WAC: variants seen among roughly 807,000 people sequenced by gnomAD.
The protein encoded by WAC is WW domain containing adaptor with coiled-coil.
In WAC, 11 loss-of-function variants were observed where a neutral mutation model predicts 79.6. That is an observed-to-expected ratio of 0.14 (90% CI 0.09 to 0.23). The LOEUF is 0.23. WAC is among the 10% of genes least tolerant of loss of function. WAC has a pLI of 1.00. For missense variants in WAC, 728 were observed against 773.5 expected (o/e 0.94, Z 0.70); for synonymous variants, 304 against 276.9 (o/e 1.10, Z -0.97).
intron 6 of WAC, among the ~76,000 whole-genome samples, 168 bp from the exon 7 acceptor site, chr10:28,595,565 C>G (rs572102882): frequency 1.4e-4 from 21 of 152,110 alleles, no homozygotes; most frequent in African/African-American, 4.6e-4. Flanking sequence ...TATTTACATG[C>G]TAGTGGTAAA....
At chr10:28,534,391 T>C (rs1589112756) in intron 2 of WAC, 1 of 245,876 alleles carries the variant, frequency 4.1e-6, no homozygotes, top group African/African-American at 2.2e-5. Context: ...TTGGGGGAAC[T>C]GAAAAGTTAA....
In WAC at chr10:28,617,690, G is replaced by A; in HGVS notation, c.1780G>A (p.Gly594Arg). ...SRLREEAHNM[G>R]TIHMSEICTE... ...ATTACGCGAAGAAGCGCATAACATG[G>A]GAACTATTCACATGTCCGAAATTTG... The change falls in exon 13 of 14, where the codon GGA (glycine) becomes AGA (arginine). Residue 594 changes from glycine to arginine, a missense_variant. Transcript: ENST00000354911. 6.3e-7 allele frequency: 1 copy of A among 1,591,724 alleles called. No individual in the cohort carries two copies. The highest frequency in any genetic ancestry group is 8.5e-7 in the Non-Finnish European group (1 of 1,173,292).
At chr10:28,595,226 A>AGAGGCAACT (rs1169697001) in intron 6 of WAC, among the ~76,000 whole-genome samples, 1 of 152,218 alleles carries the variant, frequency 6.6e-6, no homozygotes, top group African/African-American at 2.4e-5. Context: ...AAACTGCTTT[A>AGAGGCAACT]GAGGCAACTA....
chr10:28,592,202 A>G (rs1168110420), intron 6 of WAC, among the ~76,000 whole-genome samples: 1 of 152,190 alleles, frequency 6.6e-6, no homozygotes, highest in African/African-American at 2.4e-5. Flanking sequence ...ATTTCTTTTT[A>G]TATCTTAATA....
chr10:28,592,858 T>A (rs1840167302), intron 6 of WAC, among the ~76,000 whole-genome samples: 1 of 152,236 alleles, frequency 6.6e-6, no homozygotes, highest in African/African-American at 2.4e-5. Context: ...TGCTGTTTTT[T>A]ACCTGTTCTT....
At chr10:28,564,861 G>C (rs1838509330) in intron 3 of WAC, among the ~76,000 whole-genome samples, 1 of 152,170 alleles carries the variant, frequency 6.6e-6, no homozygotes, top group South Asian at 2.1e-4. Context: ...TGCAGTGTGT[G>C]TGTCTGTATT....
At chr10:28,575,818 CGT>C (rs1339507394) in intron 3 of WAC, among the ~76,000 whole-genome samples, 1 of 152,194 alleles carries the variant, frequency 6.6e-6, no homozygotes, top group Non-Finnish European at 1.5e-5. Context: ...TTCTTTTGCA[CGT>C]GCCGCCTCCC....
At chr10:28,616,975 C>T (rs371127545) in intron 12 of WAC, among the ~76,000 whole-genome samples, 28 of 152,198 alleles carry the variant, frequency 1.8e-4, no homozygotes, top group African/African-American at 4.6e-4. Flanking sequence ...TACAGCTACT[C>T]GGGAGCCTGA....
intron 3 of WAC, among the ~76,000 whole-genome samples, chr10:28,545,804 GA>G (rs1347544115): frequency 6.6e-5 from 10 of 152,228 alleles, no homozygotes; most frequent in African/African-American, 2.2e-4. Flanking sequence ...ACAGGCCAGT[GA>G]GATACATTGG....
intron 3 of WAC, among the ~76,000 whole-genome samples, chr10:28,544,980 G>A (rs1363000251): frequency 6.8e-6 from 1 of 147,518 alleles, no homozygotes; most frequent in African/African-American, 2.5e-5. Flanking sequence ...CAGGAGAATC[G>A]CTTAAACCCA....
chr10:28,583,858 A>G (rs1187096876), intron 4 of WAC, among the ~76,000 whole-genome samples: 1 of 152,174 alleles, frequency 6.6e-6, no homozygotes, highest in Non-Finnish European at 1.5e-5. Flanking sequence ...CATAGTGTAT[A>G]AACTCCTTAT....
At position 28,549,201 on chromosome 10, in the gene WAC, G is replaced by C. The variant is rs577044238; in HGVS notation, c.274+13444G>C. Among the ~76,000 whole-genome samples, 53 of 152,234 alleles carry C rather than the reference G, an allele frequency of 3.5e-4. No homozygotes were observed. In the East Asian group the frequency reaches 6.8e-3, roughly 19 times the overall value. ...GGTGTGAGCCACCACATCCAGACAA[G>C]TTTTTGATTTTTTATGGTGTTGGCT... On this transcript the variant is annotated intron_variant, in intron 3 of 13. Transcript: ENST00000354911.
At chr10:28,552,790 TGTC>T (rs1396436239) in intron 3 of WAC, among the ~76,000 whole-genome samples, 2 of 151,432 alleles carry the variant, frequency 1.3e-5, no homozygotes, top group Admixed American at 6.6e-5. Context: ...ATCTGGATGT[TGTC>T]GTTTTTATTT....
At chr10:28,611,241 C>T in intron 9 of WAC, 1 of 1,289,422 alleles carries the variant, frequency 7.8e-7, no homozygotes, top group Non-Finnish European at 1.0e-6. Flanking sequence ...TGCTCATTTT[C>T]TGCCTTGAAT....
intron 3 of WAC, among the ~76,000 whole-genome samples, chr10:28,558,906 T>A (rs991711195): frequency 6.6e-6 from 1 of 152,174 alleles, no homozygotes; most frequent in African/African-American, 2.4e-5. Flanking sequence ...TTGGAAAATA[T>A]CAGAAAATCC....
rs766292256 is a variant in WAC, at chr10:28,533,540, T to TCTCCCTC, written c.-35_-34insTCCTCCC. 7.8e-7 allele frequency: 1 copy of TCTCCCTC among 1,284,130 alleles called. No homozygotes were observed. The highest frequency in any genetic ancestry group is 1.8e-5 in the South Asian group (1 of 56,720). The allele number at this position is 1,284,130 out of a possible 1,614,324, so 79.5% of individuals were successfully genotyped here. On this transcript the variant is annotated 5_prime_UTR_variant, in exon 1 of 14. Coordinates refer to ENST00000354911, the MANE Select transcript of WAC (RefSeq NM_016628.5). ...GCGCCCGCCCGCCTTTCGCGGCCGC[T>TCTCCCTC]CTCCCCCCTCCCCGACACACACTCA...
intron 3 of WAC, among the ~76,000 whole-genome samples, chr10:28,567,082 T>C (rs895617445): frequency 6.6e-6 from 1 of 152,034 alleles, no homozygotes; most frequent in South Asian, 2.1e-4. Flanking sequence ...TGTTTCCTTA[T>C]GATTGACATT....
chr10:28,578,650 C>T (rs766752691), intron 3 of WAC, among the ~76,000 whole-genome samples: 6 of 152,048 alleles, frequency 3.9e-5, no homozygotes, highest in Non-Finnish European at 7.4e-5. Context: ...GTCCATTTCT[C>T]GCTGAGTCAG....
chr10:28,546,506 C>T (rs1837355296), intron 3 of WAC, among the ~76,000 whole-genome samples: 1 of 152,156 alleles, frequency 6.6e-6, no homozygotes, highest in Non-Finnish European at 1.5e-5. Context: ...CCTTGTCAGT[C>T]TTCTAAGCAT....
Sources: allele counts gnomAD v4.1 joint callset (sites outside exome capture counted in the v4.1 genomes callset), GRCh38; gene constraint gnomAD v4.1.1; transcripts MANE v1.5; gene names NCBI Gene and HGNC (gene_info 2026-07-23, HGNC 2026-07-21).